The following DNAH14 variants were observed in gnomAD, a reference collection of about 807,000 sequenced individuals.
The protein encoded by DNAH14 is axonemal beta dynein heavy chain 14.
Under a neutral mutation model 520.9 loss-of-function variants are expected in DNAH14, and 478 were observed. That is an observed-to-expected ratio of 0.92 (90% CI 0.85 to 0.99). DNAH14 has a LOEUF of 0.99. Among genes scored for constraint, DNAH14 ranks in the 50% least tolerant of loss-of-function variants. The pLI is 0.00. For missense variants in DNAH14, 4,831 were observed against 5,234.5 expected, an observed-to-expected ratio of 0.92 and a Z score of 2.38; for synonymous variants, 1,581 against 1,757.2, an observed-to-expected ratio of 0.90 and a Z score of 2.51.
rs2076972882 is a variant in DNAH14, at chr1:225,117,694, A to C, written c.3878A>C (p.Glu1293Ala). ...HIKKSLEDYL[E>A]VKRLIFPRFY... ...TTTGATTCTGGACAGGATTACCTTG[A>C]AGTTAAAAGATTAATTTTCCCAAGA... Residue 1293 changes from glutamate (E) to alanine (A), a missense_variant, in exon 24 of 86, where the codon GAA (glutamate) becomes GCA (alanine). Physicochemically the swap from Glu to Ala is moderately radical, Grantham distance 107 (BLOSUM62 -1). Coordinates refer to ENST00000682510, the MANE Select transcript of DNAH14 (RefSeq NM_001367479.1). 1.3e-6 allele frequency: 2 copies of C among 1,541,944 alleles called. No homozygotes were observed. Among genetic ancestry groups the C allele is most frequent in the Non-Finnish European group, 1.8e-6 (2 of 1,141,968 alleles).
intron 79 of DNAH14, 97 bp from the exon 80 acceptor site, chr1:225,380,062 C>T (rs758951925): frequency 2.1e-5 from 27 of 1,305,832 alleles, no homozygotes; most frequent in Non-Finnish European, 2.8e-5. Context: ...AAACATATTC[C>T]TCCTGTCTAC....
At chr1:225,216,243 T>C (rs1481569308) in intron 41 of DNAH14, among the ~76,000 whole-genome samples, 1 of 152,212 alleles carries the variant, frequency 6.6e-6, no homozygotes, top group Non-Finnish European at 1.5e-5. Flanking sequence ...TTCTGGCTTG[T>C]AGAGTTTCTG....
chr1:225,295,809 G>C (rs2093993339), intron 55 of DNAH14, among the ~76,000 whole-genome samples: 1 of 152,060 alleles, frequency 6.6e-6, no homozygotes, highest in Admixed American at 6.6e-5. Flanking sequence ...CTGATTTTCT[G>C]TCTAGATGAA....
rs1002232625 is a variant in DNAH14 at position 225,140,910 on chromosome 1, G to T, written c.4397G>T (p.Arg1466Leu). 6.4e-7 allele frequency: 1 copy of T among 1,551,240 alleles called. No homozygotes were observed. Among genetic ancestry groups the T allele is most frequent in the Non-Finnish European group, 8.7e-7 (1 of 1,146,888 alleles). ...DLVVLDTSNS[R>L]TKAILGALLI... The stretch of plus-strand genomic sequence containing the variant: ...GTAGTGCTGGATACTAGTAACTCTC[G>T]AACAAAAGCTATACTAGGGGCATTG... The change falls in exon 28 of 86, where the codon CGA (arginine) becomes CTA (leucine). Residue 1466 changes from arginine to leucine, a missense_variant. Arg to Leu is a moderately radical substitution (Grantham distance 102). Coordinates refer to ENST00000682510, the MANE Select transcript of DNAH14 (RefSeq NM_001367479.1).
At chr1:224,976,213 G>A (rs1418248759) in intron 8 of DNAH14, among the ~76,000 whole-genome samples, 2 of 152,172 alleles carry the variant, frequency 1.3e-5, no homozygotes, top group Admixed American at 6.5e-5. Context: ...TTGATTTGGG[G>A]TGGAGAGTTC....
Position 225,392,395 on chromosome 1 carries a change from G to C in DNAH14, c.13435G>C (p.Glu4479Gln). The C allele has an allele frequency of 6.4e-7, 1 of 1,552,176 alleles. No homozygotes were observed. Among genetic ancestry groups the C allele is most frequent in the Non-Finnish European group, 8.7e-7 (1 of 1,147,108 alleles). Residue 4479 changes from glutamate (E) to glutamine (Q), a missense_variant, in exon 84 of 86, where the codon GAG (glutamate) becomes CAG (glutamine). By Grantham distance (29) the Glu-to-Gln change is conservative (BLOSUM62 2). Coordinates refer to ENST00000682510, the MANE Select transcript of DNAH14 (RefSeq NM_001367479.1). ...GATTTCCAACACCACTGACAAGGAT[G>C]AGAAGTTCTCCGTATTTATGCCAAA... ...HVISNTTDKD[E>Q]KFSVFMPKKL...
At chr1:225,348,440 C>G (rs1192945696) in intron 71 of DNAH14, among the ~76,000 whole-genome samples, 1 of 152,002 alleles carries the variant, frequency 6.6e-6, no homozygotes, top group South Asian at 2.1e-4. Context: ...ATCAAACTGT[C>G]TAAAGTCAAA....
rs1454733575 is a variant in DNAH14, at chr1:225,057,167, T to A, written c.2424+5372T>A. On this transcript the variant is annotated intron_variant, in intron 17 of 85. Coordinates refer to ENST00000682510, the MANE Select transcript of DNAH14 (RefSeq NM_001367479.1). ...TATTGATTCTTCCTACCCATGAGCA[T>A]GGAATGTTCTTCCATTTGTTTGTAT... 8.5e-5 allele frequency among the ~76,000 whole-genome samples: 13 copies of A among 152,364 alleles called. No individual in the cohort carries two copies. In the East Asian group the frequency reaches 2.5e-3, roughly 29 times the overall value.
At chr1:225,163,815 CT>C (rs984056217) in intron 35 of DNAH14, among the ~76,000 whole-genome samples, 1 of 152,042 alleles carries the variant, frequency 6.6e-6, no homozygotes, top group Non-Finnish European at 1.5e-5. Context: ...CTATAGTCTT[CT>C]TTTTTTGATG....
chr1:225,251,815 A>C (rs2092564208), intron 43 of DNAH14, among the ~76,000 whole-genome samples: 1 of 152,216 alleles, frequency 6.6e-6, no homozygotes, highest in Admixed American at 6.5e-5. Context: ...GTAAATAAGA[A>C]TATATGAAAT....
chr1:224,991,856 C>T (rs907298828), intron 8 of DNAH14, among the ~76,000 whole-genome samples: 19 of 152,130 alleles, frequency 1.2e-4, no homozygotes, highest in African/African-American at 4.3e-4. Flanking sequence ...CTGCAATGAA[C>T]ATACGCGAAA....
chr1:225,148,009 C>T (rs898587406), intron 31 of DNAH14, among the ~76,000 whole-genome samples: 1 of 151,960 alleles, frequency 6.6e-6, no homozygotes, highest in Admixed American at 6.6e-5. Flanking sequence ...GTATATATAC[C>T]ACATTTTCTT....
chr1:225,367,921 GA>G lies in DNAH14; in HGVS notation c.12213del (p.Lys4071AsnfsTer12). ...FENPDCGQWW[K>X]KLLFSLCFFN... ...AAAATCCTGACTGTGGACAATGGTG[GA>G]AAAAACTTTTATTTAGCCTATGTTT... On this transcript the variant is annotated frameshift_variant, in exon 77 of 86. Coordinates refer to ENST00000682510, the MANE Select transcript of DNAH14 (RefSeq NM_001367479.1). LOFTEE classifies it high-confidence loss of function. 1 of 1,551,600 alleles carries G rather than the reference GA, an allele frequency of 6.4e-7. No individual in the cohort carries two copies. The highest frequency in any genetic ancestry group is 1.2e-5 in the South Asian group (1 of 84,064).
intron 64 of DNAH14, 136 bp downstream of exon 64, chr1:225,324,968 AAAT>A: frequency 2.2e-6 from 1 of 449,494 alleles, no homozygotes; most frequent in Non-Finnish European, 3.6e-6. Context: ...AGGATTAAGT[AAAT>A]AATATTATTG....
At chr1:225,373,243 C>T (rs1463435623) in intron 77 of DNAH14, among the ~76,000 whole-genome samples, 1 of 151,172 alleles carries the variant, frequency 6.6e-6, no homozygotes, top group East Asian at 2.0e-4. Flanking sequence ...GTAATCCCAG[C>T]ACTTTGGGAG....
chr1:224,992,977 C>T (rs1356744578), intron 8 of DNAH14, among the ~76,000 whole-genome samples: 2 of 151,926 alleles, frequency 1.3e-5, no homozygotes, highest in Admixed American at 1.3e-4. Flanking sequence ...GATTTTTGTC[C>T]TTCATTCTGT....
chr1:225,074,523 G>A (rs2072002182), intron 17 of DNAH14, among the ~76,000 whole-genome samples: 2 of 152,130 alleles, frequency 1.3e-5, no homozygotes, highest in African/African-American at 2.4e-5. Context: ...TGGCTAAGGG[G>A]CCCAAACAGC....
intron 66 of DNAH14, among the ~76,000 whole-genome samples, chr1:225,333,714 C>T (rs1160647474): frequency 2.6e-5 from 4 of 152,178 alleles, no homozygotes; most frequent in South Asian, 4.2e-4. Flanking sequence ...TCATACTGAG[C>T]AAAAGTCACA....
chr1:225,189,579 C>T (rs1359891043), intron 37 of DNAH14, among the ~76,000 whole-genome samples: 1 of 151,464 alleles, frequency 6.6e-6, no homozygotes, highest in Non-Finnish European at 1.5e-5. Flanking sequence ...ATTTCTTCTT[C>T]AGTTGGTTTT....
Sources: gnomAD v4.1 joint callset for allele counts (sites outside exome capture counted in the v4.1 genomes callset) on GRCh38, gnomAD v4.1.1 for gene constraint, MANE v1.5 for transcripts, NCBI Gene and HGNC (gene_info 2026-07-23, HGNC 2026-07-21) for gene names.